Variants in FBXO25 observed in about 807,000 individuals in gnomAD.
FBXO25 encodes F-box protein 25.
Under a neutral mutation model 51.9 loss-of-function variants are expected in FBXO25, and 45 were observed. The observed-to-expected ratio is 0.87, with a 90% CI of 0.68 to 1.11. FBXO25 has a LOEUF of 1.11. Among genes scored for constraint, FBXO25 ranks in the 50% most tolerant of loss-of-function variants. FBXO25 has a pLI of 0.00. For synonymous variants in FBXO25, 199 were observed against 151.0 expected (o/e 1.32, Z -2.33); for missense variants, 507 against 428.5 (o/e 1.18, Z -1.62).
intron 5 of FBXO25, among the ~76,000 whole-genome samples, chr8:440,799 C>A (rs1798380719): frequency 6.7e-6 from 1 of 149,208 alleles, no homozygotes; most frequent in South Asian, 2.2e-4. Context: ...CATGTGTTCT[C>A]ATTGTTCAGC....
chr8:467,152 G>C (rs1398286322), intron 9 of FBXO25, among the ~76,000 whole-genome samples: 1 of 152,118 alleles, frequency 6.6e-6, no homozygotes, highest in Non-Finnish European at 1.5e-5. Context: ...TGAACCAGCG[G>C]GGGAGAACAG....
intron 7 of FBXO25, among the ~76,000 whole-genome samples, chr8:454,838 C>G (rs1199053963): frequency 6.8e-6 from 1 of 147,916 alleles, no homozygotes; most frequent in Non-Finnish European, 1.5e-5. Flanking sequence ...TTGCAGTGAA[C>G]TGAGATCACA....
intron 2 of FBXO25, among the ~76,000 whole-genome samples, chr8:414,364 A>G (rs201590246): frequency 1.3e-5 from 2 of 152,276 alleles, no homozygotes; most frequent in East Asian, 1.9e-4. Context: ...AAATTTAAAG[A>G]TGGTTGACTA....
Position 469,677 on chromosome 8 carries a change from G to T in FBXO25, c.*873G>T, listed in dbSNP as rs908188962. ...TTTAAAATAACGCATGTCCATTTTAGAAAATTAGAAAATCAGTCCCACCAC... is the reference window on the plus strand; with the variant it reads ...TTTAAAATAACGCATGTCCATTTTATAAAATTAGAAAATCAGTCCCACCAC... On this transcript the variant is annotated 3_prime_UTR_variant, in exon 10 of 10. Transcript: ENST00000350302. 1 of 151,856 alleles carries T rather than the reference G, an allele frequency of 6.6e-6. No homozygotes were observed. Among genetic ancestry groups the T allele is most frequent in the South Asian group, 2.1e-4 (1 of 4,800 alleles). The allele number at this position is 151,856 out of a possible 1,614,324, so 9.4% of individuals were successfully genotyped here.
At chr8:413,617 A>G (rs1352091783) in intron 2 of FBXO25, among the ~76,000 whole-genome samples, 2 of 152,144 alleles carry the variant, frequency 1.3e-5, no homozygotes, top group Non-Finnish European at 2.9e-5. Context: ...TGCTCGTAAC[A>G]TTGTCAAGGG....
intron 5 of FBXO25, among the ~76,000 whole-genome samples, chr8:440,514 C>T (rs1798362585): frequency 6.6e-6 from 1 of 152,076 alleles, no homozygotes; most frequent in Non-Finnish European, 1.5e-5. Context: ...GACTTTATTT[C>T]CTAAGTCTAT....
At chr8:439,039 C>T (rs1447263932) in intron 5 of FBXO25, among the ~76,000 whole-genome samples, 3 of 152,234 alleles carry the variant, frequency 2.0e-5, no homozygotes, top group African/African-American at 7.2e-5. Context: ...TGAGGAGCTG[C>T]ACTTCCATGA....
At chr8:431,173 C>G (rs1585036140) in intron 2 of FBXO25, among the ~76,000 whole-genome samples, 168 bp from the exon 3 acceptor site, 3 of 152,196 alleles carry the variant, frequency 2.0e-5, no homozygotes, top group Non-Finnish European at 4.4e-5. Context: ...CTCAAAGAAC[C>G]AGGATACATC....
Position 469,677 on chromosome 8 carries a change from G to A in FBXO25, c.*873G>A, listed in dbSNP as rs908188962. On this transcript the variant is annotated 3_prime_UTR_variant, in exon 10 of 10. Coordinates refer to ENST00000350302, the MANE Select transcript of FBXO25 (RefSeq NM_183420.2). ...TTTAAAATAACGCATGTCCATTTTA[G>A]AAAATTAGAAAATCAGTCCCACCAC... 18 of 151,972 alleles carry A rather than the reference G, an allele frequency of 1.2e-4. No homozygotes were observed. The highest frequency in any genetic ancestry group is 3.9e-4 in the African/African-American group (16 of 41,418). 9.4% of individuals were successfully genotyped at this position (151,972 alleles called of 1,614,324 possible). A position where few individuals can be genotyped will look rare whatever the true frequency, so the allele number is the denominator to read the frequency against.
intron 2 of FBXO25, among the ~76,000 whole-genome samples, chr8:427,972 G>A (rs1027976894): frequency 2.6e-5 from 4 of 152,062 alleles, no homozygotes; most frequent in Admixed American, 6.5e-5. Flanking sequence ...TTAAGTCCTT[G>A]TTATCCATCT....
chr8:458,534 C>T lies in FBXO25; in HGVS notation c.826C>T (p.His276Tyr). 1 of 1,614,008 alleles carries T rather than the reference C, an allele frequency of 6.2e-7. No individual in the cohort carries two copies. The highest frequency in any genetic ancestry group is 2.2e-5 in the East Asian group (1 of 44,876). ...GCTGTGGAAGAAGCTTTGTCAGTAC[C>T]ATTTTGCTGAAAAGCAGGTGAGTGG... ...RQLWKKLCQYHFAEKQFCRHL... is the reference protein window; with the variant it reads ...RQLWKKLCQYYFAEKQFCRHL... The change falls in exon 8 of 10, where the codon CAT (histidine) becomes TAT (tyrosine). Residue 276 changes from histidine to tyrosine, a missense_variant. Physicochemically the swap from His to Tyr is moderately conservative, Grantham distance 83 (BLOSUM62 2). Coordinates refer to ENST00000350302, the MANE Select transcript of FBXO25 (RefSeq NM_183420.2).
At chr8:453,586 C>T (rs929398657) in intron 7 of FBXO25, among the ~76,000 whole-genome samples, 2 of 152,160 alleles carry the variant, frequency 1.3e-5, no homozygotes, top group East Asian at 1.9e-4. Context: ...AAGGTAAAGA[C>T]CTGGTCTCCT....
At chr8:431,158 A>G (rs1051034559) in intron 2 of FBXO25, among the ~76,000 whole-genome samples, 183 bp from the exon 3 acceptor site, 3 of 152,228 alleles carry the variant, frequency 2.0e-5, no homozygotes, top group East Asian at 3.8e-4. Flanking sequence ...TTCTGGTACA[A>G]TATTCTCAAA....
chr8:413,032 G>T (rs143072661), intron 1 of FBXO25, 41 bp from the exon 2 acceptor site: 13,969 of 1,362,162 alleles, frequency 0.01, 69 homozygotes, highest in Non-Finnish European at 0.011. Context: ...AAACTTTTAT[G>T]AATTATATAT....
rs772756063 is a variant in FBXO25, at chr8:468,766, G to A, written c.1039G>A (p.Val347Met). ...CGACCCTGACAGCTGCTTCACGCCTGTGTCTCCGCAGCACTTCATCGACCT... is the reference window on the plus strand; with the variant it reads ...CGACCCTGACAGCTGCTTCACGCCTATGTCTCCGCAGCACTTCATCGACCT... ...AADPDSCFTP[V>M]SPQHFIDLFK... Residue 347 changes from valine to methionine, a missense_variant, in exon 10 of 10, where the codon GTG becomes ATG. Physicochemically the swap from Val to Met is conservative, Grantham distance 21 (BLOSUM62 1). Coordinates refer to ENST00000350302, the MANE Select transcript of FBXO25 (RefSeq NM_183420.2). 102 of 1,613,918 alleles carry A rather than the reference G, an allele frequency of 6.3e-5. No individual in the cohort carries two copies. The highest frequency in any genetic ancestry group is 7.8e-5 in the Non-Finnish European group (92 of 1,180,032).
At chr8:422,091 A>T (rs751962132) in intron 2 of FBXO25, among the ~76,000 whole-genome samples, 10 of 152,238 alleles carry the variant, frequency 6.6e-5, no homozygotes, top group Non-Finnish European at 1.2e-4. Flanking sequence ...CCCTTGACAG[A>T]TGCAGCAAGG....
intron 5 of FBXO25, among the ~76,000 whole-genome samples, chr8:449,000 A>G (rs1798906186): frequency 6.6e-6 from 1 of 152,230 alleles, no homozygotes; most frequent in African/African-American, 2.4e-5. Context: ...AAGCTACAAA[A>G]ACATGTCATA....
At chr8:452,369 T>C (rs1799150868) in intron 7 of FBXO25, among the ~76,000 whole-genome samples, 1 of 152,240 alleles carries the variant, frequency 6.6e-6, no homozygotes. Flanking sequence ...CCTACAGTCA[T>C]TCAAAGCTTT....
chr8:468,872 T>G lies in FBXO25; in HGVS notation c.*68T>G. 6.8e-7 allele frequency: 1 copy of G among 1,468,684 alleles called. No individual in the cohort carries two copies. The highest frequency in any genetic ancestry group is 1.2e-5 in the South Asian group (1 of 81,978). The allele number at this position is 1,468,684 out of a possible 1,614,324, so 91.0% of individuals were successfully genotyped here. On this transcript the variant is annotated 3_prime_UTR_variant, in exon 10 of 10. Coordinates refer to ENST00000350302, the MANE Select transcript of FBXO25 (RefSeq NM_183420.2). ...GTCTGTGCAGGGCTCATAGTGAGTG[T>G]TCTGTGAGGTGGGTGGAGACTCCTC... is the stretch of plus-strand genomic sequence containing the variant.
Sources: gnomAD v4.1 joint callset for allele counts (sites outside exome capture counted in the v4.1 genomes callset) on GRCh38, gnomAD v4.1.1 for gene constraint, MANE v1.5 for transcripts, NCBI Gene and HGNC (gene_info 2026-07-23, HGNC 2026-07-21) for gene names.